Variants in SOX5 observed in about 807,000 individuals in gnomAD.
The protein encoded by SOX5 is SRY-box transcription factor 5.
Under a neutral mutation model 92.0 loss-of-function variants are expected in SOX5, and 9 were observed. The ratio of observed to expected loss-of-function variants is 0.10; its 90% CI spans 0.06 to 0.17. The LOEUF is 0.17. Ranked by LOEUF, SOX5 falls within the 10% of genes least tolerant of loss-of-function variation. The probability of loss-of-function intolerance (pLI) is 1.00; values close to 1 mark genes in which losing one functional copy is unlikely to be tolerated. For synonymous variants in SOX5, 344 were observed against 336.3 expected (o/e 1.02, Z -0.25); for missense variants, 642 against 944.5 (o/e 0.68, Z 4.20).
intron 1 of SOX5, among the ~76,000 whole-genome samples, chr12:24,392,475 G>C (rs1959091609): frequency 6.6e-6 from 1 of 151,988 alleles, no homozygotes; most frequent in East Asian, 1.9e-4. Flanking sequence ...GTTTTTGTCT[G>C]CCATTTTCTC....
intron 4 of SOX5, among the ~76,000 whole-genome samples, chr12:24,165,932 G>C (rs938592451): frequency 6.6e-6 from 1 of 152,096 alleles, no homozygotes; most frequent in African/African-American, 2.4e-5. Context: ...TGAGATTAGG[G>C]AAGATGTGAC....
At chr12:23,769,573 A>C (rs1039904984) in intron 3 of SOX5, among the ~76,000 whole-genome samples, 2 of 152,160 alleles carry the variant, frequency 1.3e-5, no homozygotes, top group Non-Finnish European at 2.9e-5. Flanking sequence ...ACAGTGACCT[A>C]AGGGAGACAT....
intron 3 of SOX5, among the ~76,000 whole-genome samples, chr12:24,244,774 C>G (rs1036981711): frequency 6.6e-6 from 1 of 152,160 alleles, no homozygotes; most frequent in African/African-American, 2.4e-5. Context: ...CTCACTGCAA[C>G]CTCCGCCTCC....
chr12:23,537,005 T>C (rs1174119522), intron 13 of SOX5, among the ~76,000 whole-genome samples: 3 of 152,154 alleles, frequency 2.0e-5, no homozygotes, highest in Non-Finnish European at 4.4e-5. Context: ...AAAAGTTACA[T>C]GATATGTTAT....
intron 1 of SOX5, among the ~76,000 whole-genome samples, chr12:24,451,749 T>C (rs965646151): frequency 1.3e-5 from 2 of 152,166 alleles, no homozygotes; most frequent in Admixed American, 6.6e-5. Flanking sequence ...ACTAAACCTC[T>C]CTGGGCCTCC....
intron 3 of SOX5, among the ~76,000 whole-genome samples, chr12:24,238,746 C>G (rs1035529534): frequency 3.9e-5 from 6 of 152,158 alleles, no homozygotes; most frequent in Non-Finnish European, 8.8e-5. Flanking sequence ...TTTCTGACCT[C>G]TTAGATCCTA....
chr12:23,617,891 T>C (rs2137983524), intron 8 of SOX5, among the ~76,000 whole-genome samples: 1 of 152,318 alleles, frequency 6.6e-6, no homozygotes, highest in Middle Eastern at 3.4e-3. Flanking sequence ...TCTCTTTCGC[T>C]CACTCCCTCC....
chr12:24,417,002 C>T (rs1596436759), intron 1 of SOX5, among the ~76,000 whole-genome samples: 1 of 152,296 alleles, frequency 6.6e-6, no homozygotes, highest in Non-Finnish European at 1.5e-5. Context: ...CTGCTCAGAC[C>T]TTGGCTATCA....
intron 2 of SOX5, among the ~76,000 whole-genome samples, chr12:24,349,988 T>C (rs1175328822): frequency 6.6e-6 from 1 of 152,216 alleles, no homozygotes; most frequent in South Asian, 2.1e-4. Context: ...TATCTACCTT[T>C]GCTCATGCAT....
At chr12:23,815,009 G>A (rs1024760554) in intron 3 of SOX5, among the ~76,000 whole-genome samples, 2 of 152,152 alleles carry the variant, frequency 1.3e-5, no homozygotes, top group Non-Finnish European at 2.9e-5. Context: ...CTGCAAAAGA[G>A]TTTTCATCCA....
intron 4 of SOX5, among the ~76,000 whole-genome samples, chr12:24,150,118 G>C (rs945241227): frequency 6.6e-6 from 1 of 152,002 alleles, no homozygotes; most frequent in Admixed American, 6.5e-5. Context: ...TGTATACTTC[G>C]AATATGTGCA....
At chr12:24,378,929 G>A (rs1376249973) in intron 1 of SOX5, among the ~76,000 whole-genome samples, 6 of 152,116 alleles carry the variant, frequency 3.9e-5, no homozygotes, top group East Asian at 1.9e-4. Flanking sequence ...TACCTTTGAC[G>A]CATTTCTCCC....
chr12:23,840,627 G>T (rs1217784076), intron 3 of SOX5, among the ~76,000 whole-genome samples: 1 of 152,014 alleles, frequency 6.6e-6, no homozygotes, highest in Non-Finnish European at 1.5e-5. Flanking sequence ...CTGGCAAGAC[G>T]ATAGACCAAC....
chr12:24,364,768 T>C lies in SOX5; in HGVS notation c.-174+3795A>G, dbSNP rs1955995972. ...TTTTCTACTCACAGAAAATTGACAC[T>C]ATGTAAACATATGTTGTAACCTAGA... is the stretch of plus-strand genomic sequence containing the variant. On this transcript the variant is annotated intron_variant, in intron 2 of 4. Coordinates refer to the SOX5 transcript ENST00000446891. Among the ~76,000 whole-genome samples, 4 of 151,954 alleles carry C rather than the reference T, an allele frequency of 2.6e-5. No individual in the cohort carries two copies. The South Asian group carries it at 6.2e-4, about 24-fold the overall frequency.
At chr12:24,273,781 T>C (rs1199132659) in intron 3 of SOX5, among the ~76,000 whole-genome samples, 7 of 152,312 alleles carry the variant, frequency 4.6e-5, no homozygotes, top group Middle Eastern at 6.8e-3. Flanking sequence ...GGCCTATAAA[T>C]TTTTGCCCTT....
chr12:24,272,325 G>A (rs928133844), intron 3 of SOX5, among the ~76,000 whole-genome samples: 3 of 151,950 alleles, frequency 2.0e-5, no homozygotes, highest in African/African-American at 4.8e-5. Flanking sequence ...TGCCAATAAC[G>A]ACAGTTAGTT....
chr12:24,189,728 T>C (rs1956344245), intron 4 of SOX5, among the ~76,000 whole-genome samples: 1 of 152,234 alleles, frequency 6.6e-6, no homozygotes, highest in South Asian at 2.1e-4. Flanking sequence ...TAAAGTCATA[T>C]TGTGTCTTCT....
At chr12:24,012,871 C>T (rs1953117811) in intron 4 of SOX5, among the ~76,000 whole-genome samples, 1 of 152,172 alleles carries the variant, frequency 6.6e-6, no homozygotes, top group Admixed American at 6.5e-5. Context: ...CAAACACTTC[C>T]TAAATCTATT....
chr12:24,402,710 G>T (rs1962032555), intron 1 of SOX5, among the ~76,000 whole-genome samples: 1 of 152,142 alleles, frequency 6.6e-6, no homozygotes, highest in Non-Finnish European at 1.5e-5. Context: ...AAAAAAGAAA[G>T]CCTGAGTTTT....
Sources: gnomAD v4.1 joint callset for allele counts (sites outside exome capture counted in the v4.1 genomes callset) on GRCh38, gnomAD v4.1.1 for gene constraint, MANE v1.5 for transcripts, NCBI Gene and HGNC (gene_info 2026-07-23, HGNC 2026-07-21) for gene names.